Variants in AHI1 observed in about 807,000 individuals in gnomAD.
AHI1 encodes Abelson helper integration site 1, also known as jouberin.
Under a neutral mutation model 149.3 loss-of-function variants are expected in AHI1, and 123 were observed. That is an observed-to-expected ratio of 0.82 (90% CI 0.71 to 0.96). The LOEUF is 0.96. Ranked by LOEUF, AHI1 falls within the 40% of genes least tolerant of loss-of-function variation. The probability of loss-of-function intolerance (pLI) is 0.00; values close to 1 mark genes in which losing one functional copy is unlikely to be tolerated. For synonymous variants in AHI1, 475 were observed against 459.8 expected, an observed-to-expected ratio of 1.03 and a Z score of -0.42; for missense variants, 1,439 against 1,422.7, an observed-to-expected ratio of 1.01 and a Z score of -0.18.
intron 22 of AHI1, among the ~76,000 whole-genome samples, chr6:135,404,011 T>A (rs1385610542): frequency 2.5e-4 from 37 of 150,540 alleles, no homozygotes; most frequent in Admixed American, 2.4e-3. Context: ...TGGTAGTAGG[T>A]GCCCACTGAA....
intron 24 of AHI1, among the ~76,000 whole-genome samples, chr6:135,324,601 C>A (rs1787369346): frequency 6.6e-6 from 1 of 150,516 alleles, no homozygotes. Context: ...GTGCACAGCA[C>A]GTGAGAGTCC....
chr6:135,305,467 G>A (rs1784432474), intron 26 of AHI1, among the ~76,000 whole-genome samples: 1 of 152,222 alleles, frequency 6.6e-6, no homozygotes, highest in Non-Finnish European at 1.5e-5. Context: ...GGTTGTTGCA[G>A]GTGCTATGAA....
intron 23 of AHI1, among the ~76,000 whole-genome samples, chr6:135,360,162 TA>T (rs1408209047): frequency 6.6e-6 from 1 of 152,228 alleles, no homozygotes; most frequent in Non-Finnish European, 1.5e-5. Context: ...TCTGTATTTG[TA>T]TCTCATTTCA....
chr6:135,459,243 C>T (rs58866903), intron 8 of AHI1, among the ~76,000 whole-genome samples: 9,953 of 152,136 alleles, frequency 0.065, 740 homozygotes, highest in African/African-American at 0.18. Flanking sequence ...AAAGCATCTG[C>T]TGCCTGAAAC....
At position 135,427,012 on chromosome 6, in the gene AHI1, C is replaced by A. The variant is rs111943924; in HGVS notation, c.2764+155G>T. Among the ~76,000 whole-genome samples the A allele has an allele frequency of 4.0e-3, 608 of 151,736 alleles. 7 individuals are homozygous for A. The highest frequency in any genetic ancestry group is 0.012 in the African/African-American group (488 of 41,500). Reference sequence around the variant, plus strand: ...AATTCTATTTACTTAAATTGATTTACAAAGAAACTTGTGGCTAGCTTTCTG... The same window carrying A: ...AATTCTATTTACTTAAATTGATTTAAAAAGAAACTTGTGGCTAGCTTTCTG... On this transcript the variant is annotated intron_variant, in intron 20 of 28. Transcript: ENST00000265602.
At chr6:135,346,354 C>T (rs924726517) in intron 24 of AHI1, among the ~76,000 whole-genome samples, 2 of 151,982 alleles carry the variant, frequency 1.3e-5, no homozygotes, top group Admixed American at 1.3e-4. Context: ...GCCACCATGC[C>T]CGGCTAATTT....
chr6:135,458,057 A>G (rs1221182588), intron 8 of AHI1, among the ~76,000 whole-genome samples: 2 of 152,214 alleles, frequency 1.3e-5, no homozygotes, highest in African/African-American at 4.8e-5. Flanking sequence ...TCTGGGTGGG[A>G]TGCAGTAGGA....
intron 5 of AHI1, 142 bp from the exon 6 acceptor site, chr6:135,467,776 G>T: frequency 1.9e-6 from 1 of 539,046 alleles, no homozygotes; most frequent in South Asian, 3.0e-5. Flanking sequence ...CTATCTTAGA[G>T]CATTTGATGA....
intron 23 of AHI1, among the ~76,000 whole-genome samples, chr6:135,390,352 T>C (rs935042907): frequency 3.3e-5 from 5 of 152,242 alleles, no homozygotes; most frequent in Non-Finnish European, 7.3e-5. Context: ...GGAAATAGGA[T>C]GTCCTCCTTG....
chr6:135,459,326 C>A (rs1008061153), intron 8 of AHI1, among the ~76,000 whole-genome samples: 23 of 151,968 alleles, frequency 1.5e-4, no homozygotes, highest in African/African-American at 5.3e-4. Context: ...ATAATAAAAA[C>A]ACACAATATT....
chr6:135,412,573 GA>G (rs1353381724), intron 20 of AHI1, among the ~76,000 whole-genome samples: 10 of 152,290 alleles, frequency 6.6e-5, no homozygotes, highest in Admixed American at 1.3e-4. Context: ...TGATGATAAT[GA>G]GCATGGTAGC....
At chr6:135,353,136 C>T (rs1218478262) in intron 24 of AHI1, among the ~76,000 whole-genome samples, 3 of 151,958 alleles carry the variant, frequency 2.0e-5, no homozygotes, top group Non-Finnish European at 2.9e-5. Context: ...AACTGATGTG[C>T]TTATACTTAA....
chr6:135,485,707 A>G (rs1794373270), intron 5 of AHI1, among the ~76,000 whole-genome samples: 1 of 151,938 alleles, frequency 6.6e-6, no homozygotes, highest in African/African-American at 2.4e-5. Context: ...ATAATCTTTA[A>G]TTTTGTATAC....
chr6:135,312,763 C>T (rs959743500), intron 26 of AHI1, among the ~76,000 whole-genome samples: 1 of 152,142 alleles, frequency 6.6e-6, no homozygotes, highest in East Asian at 1.9e-4. Flanking sequence ...CTTATAGCTT[C>T]CCGGATCTCA....
intron 24 of AHI1, among the ~76,000 whole-genome samples, chr6:135,337,838 G>T (rs929417935): frequency 1.3e-5 from 2 of 150,708 alleles, no homozygotes; most frequent in African/African-American, 4.9e-5. Flanking sequence ...AGGATAGCCA[G>T]ATATCAGTAA....
chr6:135,465,663 T>C, intron 7 of AHI1, 151 bp downstream of exon 7: 1 of 537,388 alleles, frequency 1.9e-6, no homozygotes, highest in Non-Finnish European at 3.0e-6. Flanking sequence ...TAGTAAGGTG[T>C]TATGTAAAAG....
chr6:135,487,832 T>C (rs1170104924), intron 5 of AHI1, among the ~76,000 whole-genome samples: 2 of 152,314 alleles, frequency 1.3e-5, no homozygotes, highest in Admixed American at 1.3e-4. Flanking sequence ...GATCTTAAGA[T>C]GTTCTATTCT....
chr6:135,463,744 T>G (rs1790296510), intron 7 of AHI1, among the ~76,000 whole-genome samples: 1 of 152,148 alleles, frequency 6.6e-6, no homozygotes, highest in South Asian at 2.1e-4. Flanking sequence ...ACTTTTGATT[T>G]CTCTTTTTTC....
Position 135,466,250 on chromosome 6 carries a change from G to C in AHI1, c.313C>G (p.Gln105Glu), listed in dbSNP as rs774628957. Residue 105 changes from glutamine (Q) to glutamate (E), a missense_variant, in exon 7 of 29, where the codon CAG becomes GAG. Physicochemically the swap from Gln to Glu is conservative, Grantham distance 29. Transcript: ENST00000265602. ...RVTKNKLRNT[Q>E]LATENPNGDA... ...CCATTAGGATTTTCAGTTGCTAACT[G>C]TGTGTTCCTCAATTTGTTTTTAGTG... 6.2e-7 allele frequency: 1 copy of C among 1,613,808 alleles called. No homozygotes were observed. The highest frequency in any genetic ancestry group is 8.5e-7 in the Non-Finnish European group (1 of 1,179,870).
Sources: allele counts gnomAD v4.1 joint callset (sites outside exome capture counted in the v4.1 genomes callset), GRCh38; gene constraint gnomAD v4.1.1; transcripts MANE v1.5; gene names NCBI Gene and HGNC (gene_info 2026-07-23, HGNC 2026-07-21).